RANBP9: variants seen among roughly 807,000 people sequenced by gnomAD.
RANBP9 encodes RAN binding protein 9.
Under a neutral mutation model 84.3 loss-of-function variants are expected in RANBP9, and 15 were observed. The observed-to-expected ratio is 0.18, with a 90% confidence interval of 0.12 to 0.27. RANBP9 has a LOEUF of 0.27. Ranked by LOEUF, RANBP9 falls within the 10% of genes least tolerant of loss-of-function variation. RANBP9 has a pLI of 1.00. For missense variants in RANBP9, 809 were observed against 912.8 expected (o/e 0.89, Z 1.46); for synonymous variants, 392 against 349.6 (o/e 1.12, Z -1.35).
chr6:13,677,596 T>C (rs1028183706), intron 2 of RANBP9, among the ~76,000 whole-genome samples: 2 of 152,186 alleles, frequency 1.3e-5, no homozygotes, highest in Non-Finnish European at 2.9e-5. Flanking sequence ...CAAGATACAC[T>C]AGTATACGTA....
chr6:13,711,515 G>T lies in RANBP9; in HGVS notation c.-10C>A. 1.6e-6 allele frequency: 2 copies of T among 1,247,344 alleles called. No homozygotes were observed. Among genetic ancestry groups the T allele is most frequent in the South Asian group, 3.3e-5 (1 of 30,292 alleles). 77.3% of individuals were successfully genotyped at this position (1,247,344 alleles called of 1,614,324 possible). A position where few individuals can be genotyped will look rare whatever the true frequency, so the allele number is the denominator to read the frequency against. On this transcript the variant is annotated 5_prime_UTR_variant, in exon 1 of 14. Coordinates refer to ENST00000011619, the MANE Select transcript of RANBP9 (RefSeq NM_005493.3). Reference sequence around the variant, plus strand: ...GCGGCTGCCCGGACATCCCGGCCGCGACTCAGCCTGCGGCCACCTCCACCT... The same window carrying T: ...GCGGCTGCCCGGACATCCCGGCCGCTACTCAGCCTGCGGCCACCTCCACCT...
chr6:13,660,419 G>T (rs542767139), intron 2 of RANBP9, among the ~76,000 whole-genome samples: 91 of 152,202 alleles, frequency 6.0e-4, no homozygotes, highest in Non-Finnish European at 1.1e-3. Flanking sequence ...TGAGGTGGGA[G>T]GACTGCTTGA....
At chr6:13,699,612 C>T (rs1455805216) in intron 1 of RANBP9, among the ~76,000 whole-genome samples, 1 of 152,164 alleles carries the variant, frequency 6.6e-6, no homozygotes, top group African/African-American at 2.4e-5. Context: ...CCTGTAATTC[C>T]AGCACTTTGG....
chr6:13,675,195 T>A (rs1049893828), intron 2 of RANBP9, among the ~76,000 whole-genome samples: 1 of 152,218 alleles, frequency 6.6e-6, no homozygotes, highest in Non-Finnish European at 1.5e-5. Flanking sequence ...GTATACTTTA[T>A]CCAATAACCG....
At chr6:13,693,517 C>T (rs1008366805) in intron 2 of RANBP9, among the ~76,000 whole-genome samples, 13 of 152,116 alleles carry the variant, frequency 8.5e-5, no homozygotes, top group Admixed American at 3.9e-4. Context: ...GAGGCCGAGG[C>T]GGACAGATCA....
chr6:13,622,966 T>C (rs1764496063), intron 13 of RANBP9, among the ~76,000 whole-genome samples: 1 of 152,140 alleles, frequency 6.6e-6, no homozygotes, highest in South Asian at 2.1e-4. Flanking sequence ...AAGGCATATA[T>C]AGGTAATGTT....
At position 13,639,595 on chromosome 6, in the gene RANBP9, G is replaced by A. The variant is rs149558824; in HGVS notation, c.1493C>T (p.Ala498Val). Residue 498 changes from alanine (A) to valine (V), a missense_variant, in exon 9 of 14, where the codon GCA (alanine) becomes GTA (valine). Physicochemically the swap from Ala to Val is moderately conservative, Grantham distance 64 (BLOSUM62 0). Coordinates refer to ENST00000011619, the MANE Select transcript of RANBP9 (RefSeq NM_005493.3). ...ATGTGCGGTGCTTCCTTTGCCTGAT[G>A]CTAAATTGTGGATATTCATTCCATG... ...PSHGMNIHNLASGKGSTAHFS... is the reference protein window; with the variant it reads ...PSHGMNIHNLVSGKGSTAHFS... 2.7e-5 allele frequency: 44 copies of A among 1,612,016 alleles called. No homozygotes were observed. In the African/African-American group the frequency reaches 4.0e-4, roughly 15 times the overall value.
intron 8 of RANBP9, among the ~76,000 whole-genome samples, chr6:13,640,214 A>G (rs571308943): frequency 1.3e-5 from 2 of 152,342 alleles, no homozygotes; most frequent in African/African-American, 4.8e-5. Flanking sequence ...ATTCTAAAGC[A>G]AAACAATTCT....
At chr6:13,632,319 A>G (rs775802081) in intron 12 of RANBP9, 51 bp downstream of exon 12, 3 of 1,565,990 alleles carry the variant, frequency 1.9e-6, no homozygotes, top group Non-Finnish European at 2.6e-6. Context: ...ACAAAACTAC[A>G]TTTTAGTTCC....
chr6:13,686,950 A>T (rs1002926562), intron 2 of RANBP9, among the ~76,000 whole-genome samples: 6 of 152,328 alleles, frequency 3.9e-5, no homozygotes, highest in African/African-American at 1.4e-4. Flanking sequence ...TTGGCTTCTG[A>T]AAACACCTAG....
intron 1 of RANBP9, among the ~76,000 whole-genome samples, chr6:13,710,628 T>A (rs1758252458): frequency 6.6e-6 from 1 of 152,126 alleles, no homozygotes; most frequent in South Asian, 2.1e-4. Flanking sequence ...CCCAGGGAAA[T>A]CAGAAAGCCA....
intron 1 of RANBP9, among the ~76,000 whole-genome samples, chr6:13,706,666 C>T (rs1383001127): frequency 4.7e-5 from 7 of 148,600 alleles, no homozygotes; most frequent in African/African-American, 1.7e-4. Flanking sequence ...GTACTCCAGC[C>T]TGACAACAGC....
intron 2 of RANBP9, among the ~76,000 whole-genome samples, chr6:13,674,308 G>A (rs1765840668): frequency 6.6e-6 from 1 of 152,054 alleles, no homozygotes; most frequent in Non-Finnish European, 1.5e-5. Flanking sequence ...ATAGGTTAAA[G>A]GGATGGAGAA....
Position 13,711,633 on chromosome 6 carries a change from G to A in RANBP9, c.-128C>T, listed in dbSNP as rs1696996605. The A allele has an allele frequency of 4.4e-6, 4 of 908,826 alleles. No individual in the cohort carries two copies. The highest frequency in any genetic ancestry group is 5.5e-5 in the South Asian group (1 of 18,296). 56.3% of individuals were successfully genotyped at this position (908,826 alleles called of 1,614,324 possible). A position where few individuals can be genotyped will look rare whatever the true frequency, so the allele number is the denominator to read the frequency against. ...CCGCCCGCCCCGGAAGCAGGCGGCG[G>A]GCCGCGCGCCCAGGGAGACCGCGGC... is the stretch of plus-strand genomic sequence containing the variant. On this transcript the variant is annotated 5_prime_UTR_variant, in exon 1 of 14. Transcript: ENST00000011619.
At chr6:13,700,659 T>C (rs996384705) in intron 1 of RANBP9, among the ~76,000 whole-genome samples, 1 of 152,190 alleles carries the variant, frequency 6.6e-6, no homozygotes, top group African/African-American at 2.4e-5. Flanking sequence ...ATTTTTTCCC[T>C]GCGTTTTAAT....
At chr6:13,658,263 G>GAT (rs1405241314) in intron 3 of RANBP9, among the ~76,000 whole-genome samples, 3 of 141,126 alleles carry the variant, frequency 2.1e-5, no homozygotes, top group African/African-American at 7.8e-5. Context: ...AAAAAAGCAT[G>GAT]ATATATATAC....
In RANBP9 at chr6:13,711,331, C is replaced by T. The variant is rs1408762153; in HGVS notation, c.175G>A (p.Gly59Ser). The T allele has an allele frequency of 1.8e-6, 2 of 1,111,712 alleles. No homozygotes were observed. Among genetic ancestry groups the T allele is most frequent in the South Asian group, 4.3e-5 (1 of 23,166 alleles). The allele number at this position is 1,111,712 out of a possible 1,614,324, so 68.9% of individuals were successfully genotyped here. Residue 59 changes from glycine to serine, a missense_variant, in exon 1 of 14, where the codon GGC (glycine) becomes AGC (serine). This residue lies in a region of RANBP9 where 302 missense variants were observed against 240.1 expected (regional missense o/e 1.26). Coordinates refer to ENST00000011619, the MANE Select transcript of RANBP9 (RefSeq NM_005493.3). The part of the protein sequence containing the change: ...GSPGGGAGGE[G>S]LGAAAAALLL... ...AGGGCGGCCGCCGCGGCCCCTAAGC[C>T]TTCGCCGCCCGCACCGCCGCCGGGC...
At chr6:13,654,447 AGTAAAC>A (rs1426721736) in intron 4 of RANBP9, among the ~76,000 whole-genome samples, 4 of 152,250 alleles carry the variant, frequency 2.6e-5, no homozygotes, top group Non-Finnish European at 5.9e-5. Flanking sequence ...TTCCTTATAT[AGTAAAC>A]AAATATACAT....
intron 2 of RANBP9, among the ~76,000 whole-genome samples, chr6:13,677,564 C>T (rs1765922490): frequency 6.6e-6 from 1 of 151,900 alleles, no homozygotes; most frequent in East Asian, 1.9e-4. Context: ...GACTTAAGAG[C>T]ACCAAAAGTT....
Sources: allele counts gnomAD v4.1 joint callset (sites outside exome capture counted in the v4.1 genomes callset), GRCh38; gene constraint gnomAD v4.1.1; regional missense constraint gnomAD v4.1.1; transcripts MANE v1.5; gene names NCBI Gene and HGNC (gene_info 2026-07-23, HGNC 2026-07-21).